SND1: variants seen among roughly 807,000 people sequenced by gnomAD.
The protein encoded by SND1 is staphylococcal nuclease and tudor domain containing 1.
SND1 carries 38 observed loss-of-function variants against 121.7 expected under a neutral mutation model. That is an observed-to-expected ratio of 0.31 (90% CI 0.24 to 0.41). The LOEUF (loss-of-function observed/expected upper bound fraction) is 0.41, where lower values mean the gene tolerates loss of function less well. SND1 is among the 10% of genes least tolerant of loss of function. The pLI is 1.00. For synonymous variants in SND1, 401 were observed against 447.4 expected, an observed-to-expected ratio of 0.90 and a Z score of 1.31; for missense variants, 868 against 1,184.6, an observed-to-expected ratio of 0.73 and a Z score of 3.92.
intron 11 of SND1, among the ~76,000 whole-genome samples, chr7:127,834,357 C>G (rs1798826342): frequency 6.6e-6 from 1 of 152,154 alleles, no homozygotes; most frequent in South Asian, 2.1e-4. Context: ...TAGAATTATC[C>G]TCCACTGGTA....
chr7:127,701,654 T>G (rs1407290332), intron 5 of SND1, among the ~76,000 whole-genome samples: 1 of 152,162 alleles, frequency 6.6e-6, no homozygotes, highest in African/African-American at 2.4e-5. Context: ...CAAAATGTAT[T>G]CTGTATACAT....
Position 127,983,161 on chromosome 7 carries a change from T to C in SND1, c.1670-7786T>C, listed in dbSNP as rs1358486149. Among the ~76,000 whole-genome samples the C allele has an allele frequency of 2.6e-5, 4 of 152,156 alleles. No homozygotes were observed. The East Asian group carries it at 7.7e-4, about 29-fold the overall frequency. ...TGGGGCTTTTTACAATTTTGTTTTG[T>C]TTTTTGGTGGGAAGAAGGGTGGTAT... On this transcript the variant is annotated intron_variant, in intron 15 of 23. Coordinates refer to ENST00000354725, the MANE Select transcript of SND1 (RefSeq NM_014390.4).
chr7:127,950,899 C>T (rs1020071754), intron 15 of SND1, among the ~76,000 whole-genome samples: 3 of 152,232 alleles, frequency 2.0e-5, no homozygotes, highest in East Asian at 1.9e-4. Flanking sequence ...AATCCCCAAA[C>T]ATTTGATATG....
intron 10 of SND1, among the ~76,000 whole-genome samples, chr7:127,805,274 A>C (rs1454862736): frequency 1.3e-5 from 2 of 152,170 alleles, no homozygotes; most frequent in Non-Finnish European, 2.9e-5. Context: ...GTTTACGGTC[A>C]TATCCTTCCC....
intron 12 of SND1, among the ~76,000 whole-genome samples, chr7:127,878,290 C>G (rs1799727600): frequency 6.6e-6 from 1 of 152,190 alleles, no homozygotes; most frequent in Admixed American, 6.5e-5. Flanking sequence ...TGTACATACT[C>G]TGAATGCTCC....
intron 10 of SND1, among the ~76,000 whole-genome samples, chr7:127,752,746 T>G (rs1481703495): frequency 6.6e-6 from 1 of 152,250 alleles, no homozygotes; most frequent in Non-Finnish European, 1.5e-5. Flanking sequence ...CAATGAAACT[T>G]TATTTTCAAA....
chr7:127,672,768 T>G (rs774999049), intron 1 of SND1, among the ~76,000 whole-genome samples: 1 of 152,222 alleles, frequency 6.6e-6, no homozygotes. Flanking sequence ...AGTCTTTCCT[T>G]GATTTTCATG....
In SND1 at chr7:127,800,723, C is replaced by T. The variant is rs534090267; in HGVS notation, c.1153-6761C>T. On this transcript the variant is annotated intron_variant, in intron 10 of 23. Coordinates refer to ENST00000354725, the MANE Select transcript of SND1 (RefSeq NM_014390.4). The stretch of plus-strand genomic sequence containing the variant: ...GTGTGCTTCAGAGCCTTGTTTTTTT[C>T]CTTTTTACTGTTGTGTATTACACAC... 8.4e-4 allele frequency among the ~76,000 whole-genome samples: 128 copies of T among 152,108 alleles called. 1 individual carries two copies. The highest frequency in any genetic ancestry group is 3.0e-3 in the African/African-American group (125 of 41,516).
chr7:127,855,331 C>T (rs911172603), intron 12 of SND1, among the ~76,000 whole-genome samples: 7 of 151,930 alleles, frequency 4.6e-5, no homozygotes, highest in African/African-American at 1.7e-4. Context: ...AGGCTGGTCT[C>T]GAACTCCTGG....
chr7:128,019,603 T>C lies in SND1; in HGVS notation c.1779+28547T>C, dbSNP rs183695461. Among the ~76,000 whole-genome samples, 251 of 152,322 alleles carry C rather than the reference T, an allele frequency of 1.6e-3. 2 individuals are homozygous for C. Among genetic ancestry groups the C allele is most frequent in the African/African-American group, 4.9e-3 (202 of 41,572 alleles). On this transcript the variant is annotated intron_variant, in intron 16 of 23. Transcript: ENST00000354725. Reference sequence around the variant, plus strand: ...CTCCCATTGCTTCCCAGCTTTGAAGTTGAAAAGAGAGGTAACTCCACCCAA... The same window carrying C: ...CTCCCATTGCTTCCCAGCTTTGAAGCTGAAAAGAGAGGTAACTCCACCCAA...
intron 5 of SND1, among the ~76,000 whole-genome samples, chr7:127,701,717 G>A (rs1418666442): frequency 2.0e-5 from 3 of 152,110 alleles, no homozygotes; most frequent in Non-Finnish European, 4.4e-5. Flanking sequence ...ACCCTATCCC[G>A]CTCTTCCTCC....
At chr7:127,775,657 C>T (rs1389991152) in intron 10 of SND1, among the ~76,000 whole-genome samples, 1 of 151,946 alleles carries the variant, frequency 6.6e-6, no homozygotes, top group Non-Finnish European at 1.5e-5. Context: ...GTATCTCTTC[C>T]TAAGCATCTG....
At chr7:127,759,604 T>G (rs563684995) in intron 10 of SND1, among the ~76,000 whole-genome samples, 1 of 152,226 alleles carries the variant, frequency 6.6e-6, no homozygotes, top group East Asian at 1.9e-4. Context: ...CCATCAGATA[T>G]GCTCATTGCT....
Position 128,074,571 on chromosome 7 carries a change from A to G in SND1, c.1849A>G (p.Asn617Asp). The G allele has an allele frequency of 6.2e-7, 1 of 1,613,680 alleles. No homozygotes were observed. Among genetic ancestry groups the G allele is most frequent in the Non-Finnish European group, 8.5e-7 (1 of 1,179,964 alleles). ...FIGWLHIDGA[N>D]LSVLLVEHAL... ...CGGCTGGCTGCACATCGACGGTGCC[A>G]ACCTGTCCGTCCTGCTGGTGGAGCA... is the stretch of plus-strand genomic sequence containing the variant. The change falls in exon 17 of 24, where the codon AAC (asparagine) becomes GAC (aspartate). Residue 617 changes from asparagine (N) to aspartate (D), a missense_variant. Asn to Asp is a conservative substitution (Grantham distance 23, BLOSUM62 1). This residue lies in a region of SND1 where 743 missense variants were observed against 1,071.3 expected (regional missense o/e 0.69). Coordinates refer to ENST00000354725, the MANE Select transcript of SND1 (RefSeq NM_014390.4).
At chr7:127,698,080 A>C (rs1796038853) in intron 3 of SND1, among the ~76,000 whole-genome samples, 1 of 152,176 alleles carries the variant, frequency 6.6e-6, no homozygotes, top group Non-Finnish European at 1.5e-5. Context: ...GGTAGAACCT[A>C]ATCAGATTGG....
intron 17 of SND1, among the ~76,000 whole-genome samples, chr7:128,077,745 T>C (rs1015135818): frequency 6.6e-6 from 1 of 152,222 alleles, no homozygotes; most frequent in Non-Finnish European, 1.5e-5. Flanking sequence ...AAGGGCAGAC[T>C]GTCCTGTGGT....
At chr7:127,967,325 T>C (rs1410488789) in intron 15 of SND1, among the ~76,000 whole-genome samples, 2 of 152,212 alleles carry the variant, frequency 1.3e-5, no homozygotes, top group African/African-American at 4.8e-5. Flanking sequence ...TGATGCTTCA[T>C]GCACAAGTTC....
chr7:127,690,050 T>C (rs922238883), intron 2 of SND1, among the ~76,000 whole-genome samples: 1 of 151,888 alleles, frequency 6.6e-6, no homozygotes, highest in East Asian at 1.9e-4. Context: ...TGTTCATCTC[T>C]GATAGAGTGC....
At chr7:127,751,243 G>A (rs1797087778) in intron 10 of SND1, among the ~76,000 whole-genome samples, 1 of 152,160 alleles carries the variant, frequency 6.6e-6, no homozygotes, top group African/African-American at 2.4e-5. Context: ...GGTTGTGGAT[G>A]ACCAGACTTG....
Sources: allele counts gnomAD v4.1 joint callset (sites outside exome capture counted in the v4.1 genomes callset), GRCh38; gene constraint gnomAD v4.1.1; regional missense constraint gnomAD v4.1.1; transcripts MANE v1.5; gene names NCBI Gene and HGNC (gene_info 2026-07-23, HGNC 2026-07-21).